The following MECOM variants were observed in gnomAD, a reference collection of about 807,000 sequenced individuals.
The protein encoded by MECOM is MDS1 and EVI1 complex locus.
Under a neutral mutation model 116.3 loss-of-function variants are expected in MECOM, and 13 were observed. That is an observed-to-expected ratio of 0.11 (90% CI 0.07 to 0.18). The LOEUF is 0.18. MECOM is among the 10% of genes least tolerant of loss of function. The probability of loss-of-function intolerance (pLI) is 1.00; values close to 1 mark genes in which losing one functional copy is unlikely to be tolerated. For missense variants in MECOM, 1,299 were observed against 1,509.0 expected (o/e 0.86, Z 2.31); for synonymous variants, 528 against 535.2 (o/e 0.99, Z 0.19).
At chr3:169,152,420 C>T (rs917602124) in intron 2 of MECOM, among the ~76,000 whole-genome samples, 1 of 152,068 alleles carries the variant, frequency 6.6e-6, no homozygotes, top group Non-Finnish European at 1.5e-5. Flanking sequence ...GCTGCTGTGC[C>T]CTGCACTTCA....
chr3:169,531,842 C>A (rs1576746183), intron 1 of MECOM, among the ~76,000 whole-genome samples: 1 of 152,126 alleles, frequency 6.6e-6, no homozygotes, highest in East Asian at 1.9e-4. Flanking sequence ...CAACTGGATT[C>A]CCTTTTGTAC....
chr3:169,092,418 A>G (rs1280423914), intron 14 of MECOM, among the ~76,000 whole-genome samples: 1 of 151,908 alleles, frequency 6.6e-6, no homozygotes, highest in Non-Finnish European at 1.5e-5. Context: ...TATAATATGT[A>G]TATTACATAT....
intron 2 of MECOM, among the ~76,000 whole-genome samples, chr3:169,273,909 C>CTTTTTTT (rs545229387): frequency 2.6e-5 from 3 of 117,100 alleles, no homozygotes; most frequent in African/African-American, 7.2e-5. Flanking sequence ...CTCTCCAAAG[C>CTTTTTTT]TTTTTTTTTT....
rs1420363707 is a variant in MECOM at position 169,095,147 on chromosome 3, C to T, written c.2948G>A (p.Cys983Tyr). The change falls in exon 13 of 17, where the codon TGT (cysteine) becomes TAT (tyrosine). Residue 983 changes from cysteine (C) to tyrosine (Y), a missense_variant. Cys to Tyr is a radical substitution (Grantham distance 194). Around this residue, in one of 6 missense-constraint regions of MECOM, gnomAD observed 32 missense variants for 96.7 expected, o/e 0.33. Coordinates refer to ENST00000651503, the MANE Select transcript of MECOM (RefSeq NM_004991.4). ...NKEKPFKCHL[C>Y]DRCFGQQTNL... ...GGTTTGTTGACCAAAACACCTATCACATAAGTGACACTTAAATGGCTTCTC... is the reference window on the plus strand; with the variant it reads ...GGTTTGTTGACCAAAACACCTATCATATAAGTGACACTTAAATGGCTTCTC... 1 of 1,613,534 alleles carries T rather than the reference C, an allele frequency of 6.2e-7. No homozygotes were observed. The highest frequency in any genetic ancestry group is 8.5e-7 in the Non-Finnish European group (1 of 1,179,810).
At chr3:169,345,722 G>C (rs929328704) in intron 2 of MECOM, among the ~76,000 whole-genome samples, 1 of 152,112 alleles carries the variant, frequency 6.6e-6, no homozygotes, top group Admixed American at 6.6e-5. Context: ...AGCCATTACT[G>C]TGTATGGGCT....
chr3:169,362,849 C>T (rs1728527133), intron 2 of MECOM, among the ~76,000 whole-genome samples: 1 of 151,956 alleles, frequency 6.6e-6, no homozygotes, highest in Admixed American at 6.6e-5. Context: ...ACACACTTTA[C>T]CTGAGGAAAC....
At chr3:169,576,159 C>A (rs1185348837) in intron 1 of MECOM, among the ~76,000 whole-genome samples, 1 of 152,132 alleles carries the variant, frequency 6.6e-6, no homozygotes, top group East Asian at 1.9e-4. Flanking sequence ...CAGTAACATG[C>A]TCATCTGTAT....
intron 2 of MECOM, among the ~76,000 whole-genome samples, chr3:169,377,649 G>A (rs1004889323): frequency 1.3e-5 from 2 of 151,998 alleles, no homozygotes; most frequent in Admixed American, 6.6e-5. Context: ...TTAGAGTGGC[G>A]ATCATTAAAA....
chr3:169,470,714 A>G (rs1749085530), intron 1 of MECOM, among the ~76,000 whole-genome samples: 1 of 152,178 alleles, frequency 6.6e-6, no homozygotes, highest in Admixed American at 6.5e-5. Flanking sequence ...TACTTTCAGA[A>G]TCCTAATGGT....
intron 2 of MECOM, among the ~76,000 whole-genome samples, chr3:169,308,525 C>A (rs984548571): frequency 3.3e-5 from 5 of 151,990 alleles, no homozygotes; most frequent in South Asian, 2.1e-4. Flanking sequence ...AAATAAAGGG[C>A]AAATAAGAAT....
rs187398936 is a variant in MECOM at position 169,113,896 on chromosome 3, C to T, written c.2490-1022G>A. On this transcript the variant is annotated intron_variant, in intron 8 of 16. Coordinates refer to ENST00000651503, the MANE Select transcript of MECOM (RefSeq NM_004991.4). Reference sequence around the variant, plus strand: ...CTGAGGTTGCAACCCAAGTCTGACACTAAAACTGGATTCTAGGTCTTTCAT... The same window carrying T: ...CTGAGGTTGCAACCCAAGTCTGACATTAAAACTGGATTCTAGGTCTTTCAT... Among the ~76,000 whole-genome samples, 286 of 152,070 alleles carry T rather than the reference C, an allele frequency of 1.9e-3. 1 individual carries two copies. Among genetic ancestry groups the T allele is most frequent in the Non-Finnish European group, 3.4e-3 (229 of 68,000 alleles).
At chr3:169,339,531 T>A (rs1724127030) in intron 2 of MECOM, among the ~76,000 whole-genome samples, 1 of 152,234 alleles carries the variant, frequency 6.6e-6, no homozygotes, top group Non-Finnish European at 1.5e-5. Context: ...GTGTGATCCC[T>A]GGACCAGCAT....
chr3:169,301,162 A>C (rs1433774128), intron 2 of MECOM, among the ~76,000 whole-genome samples: 3 of 152,178 alleles, frequency 2.0e-5, no homozygotes, highest in African/African-American at 7.2e-5. Context: ...CATTCTACAC[A>C]ATGTTATGAT....
intron 2 of MECOM, among the ~76,000 whole-genome samples, chr3:169,358,018 C>A (rs562318540): frequency 1.3e-5 from 2 of 151,820 alleles, no homozygotes; most frequent in South Asian, 2.1e-4. Flanking sequence ...ACTTTACCAG[C>A]GCCTTATGTA....
chr3:169,517,174 G>A (rs2109058916), intron 1 of MECOM, among the ~76,000 whole-genome samples: 1 of 152,308 alleles, frequency 6.6e-6, no homozygotes. Context: ...GCTCCAGGGA[G>A]ACCAAGAAGT....
intron 1 of MECOM, among the ~76,000 whole-genome samples, chr3:169,466,121 A>G (rs913203437): frequency 4.3e-4 from 65 of 152,222 alleles, no homozygotes; most frequent in Admixed American, 1.4e-3. Flanking sequence ...AACCAGAGTG[A>G]GTAGAATCCC....
chr3:169,436,452 G>A (rs1742666850), intron 1 of MECOM, among the ~76,000 whole-genome samples: 1 of 151,994 alleles, frequency 6.6e-6, no homozygotes, highest in African/African-American at 2.4e-5. Flanking sequence ...GTTTCTCTGT[G>A]CTGGTCAGGC....
At chr3:169,172,039 G>A (rs1281238374) in intron 2 of MECOM, among the ~76,000 whole-genome samples, 1 of 151,926 alleles carries the variant, frequency 6.6e-6, no homozygotes, top group African/African-American at 2.4e-5. Context: ...AGGCAATACT[G>A]ATGTAGAAAG....
intron 1 of MECOM, among the ~76,000 whole-genome samples, chr3:169,415,423 A>G (rs896820321): frequency 5.9e-5 from 9 of 152,352 alleles, no homozygotes; most frequent in African/African-American, 1.9e-4. Context: ...CAGCCACTGC[A>G]AAAACAAACC....
Sources: allele counts gnomAD v4.1 joint callset (sites outside exome capture counted in the v4.1 genomes callset), GRCh38; gene constraint gnomAD v4.1.1; regional missense constraint gnomAD v4.1.1; transcripts MANE v1.5; gene names NCBI Gene and HGNC (gene_info 2026-07-23, HGNC 2026-07-21).